Variants in CLIC2 observed in about 807,000 individuals in gnomAD.
CLIC2 encodes the protein chloride intracellular channel protein 2.
CLIC2 carries 9 observed loss-of-function variants against 14.8 expected under a neutral mutation model. That is an observed-to-expected ratio of 0.61 (90% CI 0.37 to 1.06). CLIC2 has a LOEUF of 1.06. CLIC2 is among the 50% of genes least tolerant of loss of function. CLIC2 has a pLI of 0.01. For synonymous variants in CLIC2, 61 were observed against 66.3 expected (o/e 0.92, Z 0.39); for missense variants, 148 against 181.4 (o/e 0.82, Z 1.06).
intron 1 of CLIC2, among the ~76,000 whole-genome samples, chrX:155,299,908 C>A (rs1328863161): frequency 8.4e-4 from 92 of 109,963 alleles, no homozygotes; most frequent in African/African-American, 2.7e-3. Flanking sequence ...ACATGAACTC[C>A]TCATTTTCTA....
chrX:155,305,001 T>C (rs781818670), intron 1 of CLIC2, among the ~76,000 whole-genome samples: 21 of 110,287 alleles, frequency 1.9e-4, no homozygotes, highest in Middle Eastern at 4.6e-3. Context: ...GACAGGGACA[T>C]TTAAGTCGGC....
chrX:155,283,333 T>C (rs1033405820), intron 3 of CLIC2, among the ~76,000 whole-genome samples: 3 of 112,366 alleles, frequency 2.7e-5, no homozygotes, highest in Non-Finnish European at 5.6e-5. Context: ...GTTTTTCTTT[T>C]TGTTGTTGTT....
intron 3 of CLIC2, among the ~76,000 whole-genome samples, chrX:155,288,227 G>A (rs1557317266): frequency 9.0e-6 from 1 of 111,611 alleles, no homozygotes; most frequent in African/African-American, 3.3e-5. Context: ...TCCACCAGAA[G>A]GCATGTAATT....
At chrX:155,304,831 ACC>A in intron 1 of CLIC2, among the ~76,000 whole-genome samples, 1 of 81,803 alleles carries the variant, frequency 1.2e-5, no homozygotes, top group Admixed American at 1.4e-4. Context: ...CTGTTGGAGT[ACC>A]CTGCCGTGTG....
chrX:155,303,179 G>A (rs1216615312), intron 1 of CLIC2, among the ~76,000 whole-genome samples: 1 of 84,438 alleles, frequency 1.2e-5, no homozygotes, highest in Non-Finnish European at 2.4e-5. Context: ...TGACAGTGGG[G>A]TGTTAAAGTC....
chrX:155,292,757 G>A lies in CLIC2; in HGVS notation c.293+6028C>T, dbSNP rs372865338. On this transcript the variant is annotated intron_variant, in intron 3 of 5. Transcript: ENST00000369449. ...TGCACTCCAGCCTGGGCGACAGAGC[G>A]AGACTCCGTCTCAAAACAAACAAAC... The A allele has an allele frequency of 4.5e-4, 209 of 464,941 alleles. 1 individual carries two copies. The highest frequency in any genetic ancestry group is 3.8e-3 in the South Asian group (117 of 30,923). The allele number at this position is 464,941 out of a possible 1,213,427, so 38.3% of individuals were successfully genotyped here.
intron 3 of CLIC2, chrX:155,291,018 T>G: frequency 1.4e-6 from 1 of 721,920 alleles, no homozygotes; most frequent in East Asian, 3.2e-5. Context: ...TCCAAATACT[T>G]CATCTTTAAC....
chrX:155,325,973 T>A (rs1557322291), intron 1 of CLIC2, among the ~76,000 whole-genome samples: 1 of 105,767 alleles, frequency 9.5e-6, no homozygotes, highest in Non-Finnish European at 1.9e-5. Flanking sequence ...AGCTAAGCTA[T>A]GAGGACGCAA....
In CLIC2 at chrX:155,277,929, C is replaced by G; in HGVS notation, c.718G>C (p.Ala240Pro). The change falls in exon 6 of 6, where the codon GCA (alanine) becomes CCA (proline). Residue 240 changes from alanine to proline, a missense_variant. Coordinates refer to ENST00000369449, the MANE Select transcript of CLIC2 (RefSeq NM_001289.6). ...TAACTCTTCTGTTTAGCCACATTTGCGTAAGTATTTTCAATTTCTTTGTCT... is the reference window on the plus strand; with the variant it reads ...TAACTCTTCTGTTTAGCCACATTTGGGTAAGTATTTTCAATTTCTTTGTCT... ...PEDKEIENTY[A>P]NVAKQKS The G allele has an allele frequency of 8.3e-7, 1 of 1,209,441 alleles. No individual in the cohort carries two copies. Among genetic ancestry groups the G allele is most frequent in the South Asian group, 1.8e-5 (1 of 56,913 alleles).
At position 155,287,487 on chromosome X, in the gene CLIC2, C is replaced by T. The variant is rs782758373; in HGVS notation, c.294-7419G>A. Among the ~76,000 whole-genome samples the T allele has an allele frequency of 3.6e-5, 4 of 111,062 alleles. No homozygotes were observed. In the East Asian group the frequency reaches 8.5e-4, roughly 24 times the overall value. ...TAGGTGGGATTACAGGCGTGTGTCACCAAGCCTGGCTAACTTTTGTATTTT... is the reference window on the plus strand; with the variant it reads ...TAGGTGGGATTACAGGCGTGTGTCATCAAGCCTGGCTAACTTTTGTATTTT... On this transcript the variant is annotated intron_variant, in intron 3 of 5. Coordinates refer to ENST00000369449, the MANE Select transcript of CLIC2 (RefSeq NM_001289.6).
chrX:155,328,137 C>T (rs1345114050), intron 1 of CLIC2, among the ~76,000 whole-genome samples: 2 of 111,048 alleles, frequency 1.8e-5, no homozygotes, highest in East Asian at 5.6e-4. Flanking sequence ...AGTTATTCAA[C>T]ATAGTACTGG....
chrX:155,282,158 G>A (rs995043563), intron 3 of CLIC2, among the ~76,000 whole-genome samples: 2 of 111,658 alleles, frequency 1.8e-5, no homozygotes, highest in Non-Finnish European at 3.8e-5. Context: ...TGGTCTGCCC[G>A]TAGGTGAGGG....
At chrX:155,297,650 G>A (rs2074996852) in intron 3 of CLIC2, among the ~76,000 whole-genome samples, 1 of 99,433 alleles carries the variant, frequency 1.0e-5, no homozygotes, top group South Asian at 5.0e-4. Flanking sequence ...AGACCATCCT[G>A]GCTAACACGG....
At chrX:155,315,151 G>A (rs973449018) in intron 1 of CLIC2, among the ~76,000 whole-genome samples, 3 of 112,226 alleles carry the variant, frequency 2.7e-5, no homozygotes, top group African/African-American at 9.7e-5. Context: ...ATGTTCCCAA[G>A]GAAGAGGAGA....
intron 1 of CLIC2, among the ~76,000 whole-genome samples, chrX:155,319,751 C>T (rs1239054041): frequency 2.7e-5 from 3 of 111,544 alleles, no homozygotes; most frequent in Non-Finnish European, 5.7e-5. Context: ...GCTAGGGAGC[C>T]AAGTGGTCTA....
chrX:155,326,851 G>A (rs1216067594), intron 1 of CLIC2, among the ~76,000 whole-genome samples: 1 of 111,551 alleles, frequency 9.0e-6, no homozygotes, highest in Non-Finnish European at 1.9e-5. Flanking sequence ...GTGATATACT[G>A]TTTTATTCCA....
intron 1 of CLIC2, among the ~76,000 whole-genome samples, chrX:155,300,206 G>C (rs1217454503): frequency 1.8e-5 from 2 of 110,049 alleles, no homozygotes; most frequent in Non-Finnish European, 3.8e-5. Flanking sequence ...GTGTAAAAGT[G>C]TTCCTATTTC....
chrX:155,304,835 T>A (rs1226254211), intron 1 of CLIC2, among the ~76,000 whole-genome samples: 1 of 82,540 alleles, frequency 1.2e-5, no homozygotes, highest in African/African-American at 3.8e-5. Flanking sequence ...TGGAGTACCC[T>A]GCCGTGTGAG....
intron 3 of CLIC2, among the ~76,000 whole-genome samples, chrX:155,281,940 T>A (rs1183336784): frequency 9.1e-6 from 1 of 110,114 alleles, no homozygotes; most frequent in African/African-American, 3.3e-5. Context: ...GAAGCCAGAG[T>A]GATGGCTTTC....
Sources: allele counts gnomAD v4.1 joint callset (sites outside exome capture counted in the v4.1 genomes callset), GRCh38; gene constraint gnomAD v4.1.1; transcripts MANE v1.5; gene names NCBI Gene and HGNC (gene_info 2026-07-23, HGNC 2026-07-21).